ST6GALNAC6: variants seen among roughly 807,000 people sequenced by gnomAD.
The protein encoded by ST6GALNAC6 is alpha-N-acetylgalactosaminide alpha-2,6-sialyltransferase 6.
A neutral mutation model predicts 34.3 loss-of-function variants in ST6GALNAC6; 19 were observed. The observed-to-expected ratio is 0.55, with a 90% CI of 0.39 to 0.81. The LOEUF is 0.81. Ranked by LOEUF, ST6GALNAC6 falls within the 40% of genes least tolerant of loss-of-function variation. The pLI, the probability that ST6GALNAC6 is intolerant of heterozygous loss-of-function variation, is 0.00. For missense variants in ST6GALNAC6, 377 were observed against 467.7 expected (o/e 0.81, Z 1.79); for synonymous variants, 185 against 182.1 (o/e 1.02, Z -0.13).
chr9:127,905,837 G>T, upstream of ST6GALNAC6: 1 of 639,858 alleles, frequency 1.6e-6, no homozygotes, highest in Non-Finnish European at 1.9e-6. Flanking sequence ...ACAGCAGAAA[G>T]TGGGGCCAGA....
At chr9:127,898,073 G>GT (rs1830580950) in intron 1 of ST6GALNAC6, 63 bp from the exon 2 acceptor site, 2 of 872,458 alleles carry the variant, frequency 2.3e-6, no homozygotes, top group Non-Finnish European at 3.7e-6. Flanking sequence ...TCAAGCAGAT[G>GT]TGGCAAGGGA....
chr9:127,896,263 C>T lies in ST6GALNAC6; in HGVS notation c.96G>A (p.Arg32=), dbSNP rs1564490977. 6.2e-7 allele frequency: 1 copy of T among 1,614,164 alleles called. No individual in the cohort carries two copies. The highest frequency in any genetic ancestry group is 8.5e-7 in the Non-Finnish European group (1 of 1,180,004). The change falls in exon 3 of 7, where the codon CGG becomes CGA. Residue 32 remains arginine, a synonymous_variant. Coordinates refer to ENST00000373146, the MANE Select transcript of ST6GALNAC6 (RefSeq NM_013443.5). ...GRRHLPLSRR[R]REMSSNKEQR... ...TTACTTTGTTGCTACTCATTTCTCT[C>T]CGGCGTCTGCTGAGGGGTAGGTGTC...
At chr9:127,891,596 A>G (rs763954533) in intron 4 of ST6GALNAC6, among the ~76,000 whole-genome samples, 1 of 151,482 alleles carries the variant, frequency 6.6e-6, no homozygotes, top group Non-Finnish European at 1.5e-5. Context: ...AGCCTAGATG[A>G]CAGAGCAAGA....
upstream of ST6GALNAC6, chr9:127,899,762 C>G: frequency 3.0e-6 from 2 of 663,770 alleles, no homozygotes; most frequent in Non-Finnish European, 3.7e-6. Context: ...GCCTGGTGAG[C>G]GCCTCGGTCA....
At chr9:127,893,649 C>G (rs745319906) in intron 4 of ST6GALNAC6, among the ~76,000 whole-genome samples, 2 of 152,226 alleles carry the variant, frequency 1.3e-5, no homozygotes, top group Non-Finnish European at 2.9e-5. Flanking sequence ...GCAAGCCAGG[C>G]TCTGTCTCTC....
At chr9:127,897,839 G>A (rs1830563875) in intron 2 of ST6GALNAC6, 117 bp downstream of exon 2, 29 of 1,581,816 alleles carry the variant, frequency 1.8e-5, no homozygotes, top group Non-Finnish European at 2.2e-5. Flanking sequence ...TGCCCGAGCT[G>A]TGCCCTCAGC....
Position 127,896,315 on chromosome 9 carries a change from A to G in ST6GALNAC6, c.44T>C (p.Leu15Pro), listed in dbSNP as rs1830452258. 6 of 1,613,198 alleles carry G rather than the reference A, an allele frequency of 3.7e-6. No homozygotes were observed. The highest frequency in any genetic ancestry group is 1.3e-5 in the African/African-American group (1 of 74,914). ...RPPSQCEPTS[L>P]PPGPPAGRRH... ...GCGTCCTGCAGGTGGCCCTGGGGGC[A>G]GGGATGTGGGTTCACACCTGCAAGC... The change falls in exon 3 of 7, where the codon CTG (leucine) becomes CCG (proline). Residue 15 changes from leucine to proline, a missense_variant. Leu to Pro is a moderately conservative substitution (Grantham distance 98). Coordinates refer to ENST00000373146, the MANE Select transcript of ST6GALNAC6 (RefSeq NM_013443.5).
At chr9:127,897,439 C>T (rs922520982) in intron 2 of ST6GALNAC6, 17 of 987,012 alleles carry the variant, frequency 1.7e-5, no homozygotes, top group Non-Finnish European at 1.7e-5. Flanking sequence ...AGGCTTGGCA[C>T]ACACACCTCG....
At chr9:127,889,655 G>C (rs1440614252) in intron 5 of ST6GALNAC6, among the ~76,000 whole-genome samples, 1 of 151,956 alleles carries the variant, frequency 6.6e-6, no homozygotes, top group Non-Finnish European at 1.5e-5. Context: ...ATGCTGGCCA[G>C]GCTGGTCTCA....
In ST6GALNAC6 at chr9:127,894,507, G is replaced by A. The variant is rs753066612; in HGVS notation, c.297+5C>T. 11 of 1,613,412 alleles carry A rather than the reference G, an allele frequency of 6.8e-6. No homozygotes were observed. In the African/African-American group the frequency reaches 8.0e-5, roughly 12 times the overall value. ...GGGAGGAGCTCCCCAAAGCAGCTGC[G>A]CTACCTTGTTGCCGAGAATGGGGAC... On this transcript the variant is annotated splice_donor_5th_base_variant and intron_variant, in intron 4 of 6. Coordinates refer to ENST00000373146, the MANE Select transcript of ST6GALNAC6 (RefSeq NM_013443.5).
upstream of ST6GALNAC6, among the ~76,000 whole-genome samples, chr9:127,901,286 A>G (rs1356994809): frequency 6.6e-6 from 1 of 152,146 alleles, no homozygotes; most frequent in Non-Finnish European, 1.5e-5. Context: ...GTATTGGAAG[A>G]TAAGTAAAAA....
chr9:127,895,637 T>C (rs945155069), intron 3 of ST6GALNAC6, among the ~76,000 whole-genome samples: 5 of 152,216 alleles, frequency 3.3e-5, no homozygotes, highest in Admixed American at 6.5e-5. Context: ...TGTCCTATTA[T>C]AGTCAATAAT....
chr9:127,890,015 TCAACC>T lies in ST6GALNAC6; in HGVS notation c.704+617_704+621del, dbSNP rs1482826308. On this transcript the variant is annotated intron_variant, in intron 5 of 6. Transcript: ENST00000373146. This position sits in a 1 kb window ranked among gnomAD's most constrained non-coding sequence, Gnocchi z 4.3. ...GGCACCATCCTGGCTCACTGCAGCC[TCAACC>T]TCCCGGGCTCAAGTCATCCTCCTGC... Among the ~76,000 whole-genome samples, 4 of 152,176 alleles carry T rather than the reference TCAACC, an allele frequency of 2.6e-5. No homozygotes were observed. The highest frequency in any genetic ancestry group is 2.6e-4 in the Admixed American group (4 of 15,280).
upstream of ST6GALNAC6, among the ~76,000 whole-genome samples, chr9:127,902,445 G>GCA (rs34427732): frequency 0.014 from 2,076 of 152,140 alleles, 20 homozygotes; most frequent in Non-Finnish European, 0.023. Flanking sequence ...CAGGTGTGAG[G>GCA]CACTGTGCCT....
intron 1 of ST6GALNAC6, 45 bp downstream of exon 1, chr9:127,899,458 T>C (rs1193339020): frequency 1.1e-4 from 64 of 559,188 alleles, no homozygotes; most frequent in Middle Eastern, 9.1e-4. Context: ...AGCCCCCGCC[T>C]CCGCCCCCGC....
At position 127,886,591 on chromosome 9, in the gene ST6GALNAC6, T is replaced by C; in HGVS notation, c.*8A>G. 6.2e-7 allele frequency: 1 copy of C among 1,613,608 alleles called. No homozygotes were observed. Among genetic ancestry groups the C allele is most frequent in the Admixed American group, 1.7e-5 (1 of 59,982 alleles). ...CTGACCCTCCTGAGGTCCCACAGGC[T>C]GGGTGGCCTAGGTCCAGGAGGGGTG... On this transcript the variant is annotated 3_prime_UTR_variant, in exon 7 of 7. Transcript: ENST00000373146.
At chr9:127,897,375 G>A (rs1830530922) in intron 2 of ST6GALNAC6, 8 of 985,774 alleles carry the variant, frequency 8.1e-6, no homozygotes, top group African/African-American at 5.2e-5. Flanking sequence ...TGACCTAGCC[G>A]CTGTTTACTC....
intron 2 of ST6GALNAC6, chr9:127,897,200 C>T (rs1830516415): frequency 2.0e-6 from 2 of 985,682 alleles, no homozygotes; most frequent in African/African-American, 1.7e-5. Context: ...CCAGGGTTCC[C>T]CACCTGTGAA....
intron 1 of ST6GALNAC6, among the ~76,000 whole-genome samples, chr9:127,898,274 T>C (rs1325556289): frequency 6.6e-6 from 1 of 152,144 alleles, no homozygotes; most frequent in African/African-American, 2.4e-5. Flanking sequence ...GCGCCTGTTG[T>C]CCCAGCTACT....
Sources: gnomAD v4.1 joint callset for allele counts (sites outside exome capture counted in the v4.1 genomes callset) on GRCh38, gnomAD v4.1.1 for gene constraint, Gnocchi (gnomAD v3.1) non-coding constraint, MANE v1.5 for transcripts, NCBI Gene and HGNC (gene_info 2026-07-23, HGNC 2026-07-21) for gene names.